NRG3: variants seen among roughly 807,000 people sequenced by gnomAD.
NRG3 encodes pro-neuregulin-3, membrane-bound isoform.
Under a neutral mutation model 66.9 loss-of-function variants are expected in NRG3, and 31 were observed. The observed-to-expected ratio is 0.46, with a 90% confidence interval of 0.35 to 0.63. The LOEUF is 0.63. NRG3 is among the 20% of genes least tolerant of loss of function. The pLI is 0.00. For missense variants in NRG3, 910 were observed against 878.9 expected, an observed-to-expected ratio of 1.04 and a Z score of -0.45; for synonymous variants, 393 against 359.4, an observed-to-expected ratio of 1.09 and a Z score of -1.06.
intron 3 of NRG3, among the ~76,000 whole-genome samples, chr10:82,856,230 T>G (rs2135877879): frequency 6.6e-6 from 1 of 152,208 alleles, no homozygotes; most frequent in Middle Eastern, 3.4e-3. Flanking sequence ...AAATACATAT[T>G]GAGTGTCCAC....
intron 1 of NRG3, among the ~76,000 whole-genome samples, chr10:82,036,489 G>A (rs891556605): frequency 6.6e-6 from 1 of 152,080 alleles, no homozygotes; most frequent in Non-Finnish European, 1.5e-5. Flanking sequence ...GGGTTGCACT[G>A]GCATTTAAGC....
intron 8 of NRG3, among the ~76,000 whole-genome samples, chr10:82,982,036 A>C (rs943755328): frequency 6.6e-6 from 1 of 152,224 alleles, no homozygotes; most frequent in Non-Finnish European, 1.5e-5. Context: ...CCTGTGTAAA[A>C]GAGCTGCGAT....
In NRG3 at chr10:82,735,279, G is replaced by C. The variant is rs528145000; in HGVS notation, c.954-3298G>C. Among the ~76,000 whole-genome samples, 8 of 152,214 alleles carry C rather than the reference G, an allele frequency of 5.3e-5. No homozygotes were observed. In the East Asian group the frequency reaches 1.5e-3, roughly 29 times the overall value. On this transcript the variant is annotated intron_variant, in intron 2 of 8. Coordinates refer to ENST00000372141, the MANE Select transcript of NRG3 (RefSeq NM_001010848.4). ...TGGCTGTGCTTCCTCTCCTGAGCAT[G>C]CTCCTTGTTTTGTAAAACAACTGGG...
intron 1 of NRG3, among the ~76,000 whole-genome samples, chr10:82,150,433 C>G (rs1453288531): frequency 1.3e-5 from 2 of 151,568 alleles, no homozygotes; most frequent in East Asian, 1.9e-4. Flanking sequence ...CCAATCCCCA[C>G]CTCCAGTCTT....
chr10:82,093,605 G>T (rs2066156584), intron 1 of NRG3, among the ~76,000 whole-genome samples: 1 of 152,096 alleles, frequency 6.6e-6, no homozygotes, highest in Non-Finnish European at 1.5e-5. Flanking sequence ...ATGCCAGGTG[G>T]GGTGTCTCAC....
chr10:82,491,316 A>ATATATATATATATATACATATAT (rs1389375279), intron 2 of NRG3, among the ~76,000 whole-genome samples: 5 of 136,814 alleles, frequency 3.7e-5, no homozygotes, highest in South Asian at 2.4e-4. Context: ...ATATATATAT[A>ATATATATATATATATACATATAT]AAATAAAGAT....
intron 1 of NRG3, among the ~76,000 whole-genome samples, chr10:82,110,939 G>A (rs1039302375): frequency 1.3e-5 from 2 of 152,092 alleles, no homozygotes; most frequent in African/African-American, 2.4e-5. Flanking sequence ...GAAAAAAAAA[G>A]TGCTGCTTTC....
At chr10:82,646,532 A>G (rs1045200802) in intron 2 of NRG3, among the ~76,000 whole-genome samples, 3 of 152,198 alleles carry the variant, frequency 2.0e-5, no homozygotes, top group Non-Finnish European at 4.4e-5. Context: ...AATGTGATTT[A>G]ACTTCCCATT....
intron 1 of NRG3, among the ~76,000 whole-genome samples, chr10:82,051,972 T>A (rs2063613373): frequency 6.6e-6 from 1 of 151,872 alleles, no homozygotes; most frequent in Non-Finnish European, 1.5e-5. Context: ...TAAAGGTGGG[T>A]CACAGCACTG....
intron 4 of NRG3, among the ~76,000 whole-genome samples, chr10:82,927,315 A>G (rs941175287): frequency 6.6e-6 from 1 of 152,236 alleles, no homozygotes; most frequent in Admixed American, 6.5e-5. Flanking sequence ...TTAAATTTTT[A>G]TTATACATCC....
At chr10:82,737,202 T>C (rs1297201989) in intron 2 of NRG3, among the ~76,000 whole-genome samples, 3 of 152,154 alleles carry the variant, frequency 2.0e-5, no homozygotes, top group Non-Finnish European at 4.4e-5. Flanking sequence ...GGAATATCCA[T>C]ATATTGGAGG....
At chr10:82,789,614 G>A (rs992799728) in intron 3 of NRG3, among the ~76,000 whole-genome samples, 1 of 151,918 alleles carries the variant, frequency 6.6e-6, no homozygotes, top group Non-Finnish European at 1.5e-5. Flanking sequence ...CATAAAGTTG[G>A]ATCATTTTTA....
At chr10:82,890,584 A>G (rs1007486706) in intron 4 of NRG3, among the ~76,000 whole-genome samples, 3 of 152,158 alleles carry the variant, frequency 2.0e-5, no homozygotes, top group African/African-American at 7.2e-5. Context: ...GAATAATTCT[A>G]CCTTTCTACA....
At chr10:81,946,772 C>T (rs1460808781) in intron 1 of NRG3, among the ~76,000 whole-genome samples, 1 of 152,190 alleles carries the variant, frequency 6.6e-6, no homozygotes, top group Non-Finnish European at 1.5e-5. Flanking sequence ...TTACCATAGT[C>T]TCTCATGCTC....
chr10:82,815,911 C>A (rs1253156584), intron 3 of NRG3, among the ~76,000 whole-genome samples: 1 of 152,118 alleles, frequency 6.6e-6, no homozygotes, highest in Non-Finnish European at 1.5e-5. Flanking sequence ...TATGGCAGGG[C>A]AGGCAGCTCC....
At position 81,875,650 on chromosome 10, in the gene NRG3, G is replaced by T. The variant is rs1841548863; in HGVS notation, c.310G>T (p.Asp104Tyr). The T allele has an allele frequency of 1.9e-6, 3 of 1,613,860 alleles. No homozygotes were observed. Among genetic ancestry groups the T allele is most frequent in the East Asian group, 4.5e-5 (2 of 44,822 alleles). ...VKEYVPTDLV[D>Y]SKGMGQDPFF... ...GGAGTACGTGCCCACCGACCTAGTG[G>T]ACTCCAAGGGGATGGGCCAGGACCC... The change falls in exon 1 of 9, where the codon GAC (aspartate) becomes TAC (tyrosine). Residue 104 changes from aspartate (D) to tyrosine (Y), a missense_variant. Coordinates refer to ENST00000372141, the MANE Select transcript of NRG3 (RefSeq NM_001010848.4). The surrounding 1 kb of genome is among the most constrained non-coding windows in gnomAD (Gnocchi z 5.3).
At chr10:81,998,284 C>A (rs986949008) in intron 1 of NRG3, among the ~76,000 whole-genome samples, 21 of 152,226 alleles carry the variant, frequency 1.4e-4, no homozygotes, top group African/African-American at 5.1e-4. Context: ...CATTTATCTA[C>A]ATTTAATCAG....
intron 1 of NRG3, among the ~76,000 whole-genome samples, chr10:81,981,048 G>A (rs566390504): frequency 1.3e-5 from 2 of 152,230 alleles, no homozygotes; most frequent in East Asian, 1.9e-4. Flanking sequence ...AATCCGTAAC[G>A]TTTGACTTTT....
At chr10:82,001,006 A>G (rs2061142703) in intron 1 of NRG3, among the ~76,000 whole-genome samples, 1 of 152,212 alleles carries the variant, frequency 6.6e-6, no homozygotes, top group African/African-American at 2.4e-5. Flanking sequence ...AAAACTAAAC[A>G]AACATTGCCG....
Sources: allele counts gnomAD v4.1 joint callset (sites outside exome capture counted in the v4.1 genomes callset), GRCh38; gene constraint gnomAD v4.1.1; non-coding constraint Gnocchi (gnomAD v3.1); transcripts MANE v1.5; gene names NCBI Gene and HGNC (gene_info 2026-07-23, HGNC 2026-07-21).